Variants in DLGAP2 observed in about 807,000 individuals in gnomAD.
DLGAP2 encodes the protein disks large-associated protein 2.
A neutral mutation model predicts 100.3 loss-of-function variants in DLGAP2; 26 were observed. The observed-to-expected ratio is 0.26, with a 90% confidence interval of 0.19 to 0.36. The LOEUF (loss-of-function observed/expected upper bound fraction) is 0.36, where lower values mean the gene tolerates loss of function less well. DLGAP2 is among the 10% of genes least tolerant of loss of function. The pLI is 1.00. For missense variants in DLGAP2, 1,858 were observed against 1,453.2 expected (o/e 1.28, Z -4.53); for synonymous variants, 886 against 630.1 (o/e 1.41, Z -6.08).
intron 6 of DLGAP2, among the ~76,000 whole-genome samples, chr8:1,601,535 C>T (rs573589262): frequency 3.9e-5 from 6 of 152,230 alleles, no homozygotes; most frequent in African/African-American, 1.4e-4. Context: ...TAAGCCCTGA[C>T]TGGGGCTGCT....
intron 1 of DLGAP2, among the ~76,000 whole-genome samples, chr8:888,051 TTTCTTGGAGGCTTTG>T (rs1324550403): frequency 1.3e-5 from 2 of 152,340 alleles, no homozygotes; most frequent in African/African-American, 4.8e-5. Context: ...AAGTCCCACA[TTTCTTGGAGGCTTTG>T]TTCATTCCTT....
chr8:1,345,003 T>G (rs1801521939), intron 3 of DLGAP2, among the ~76,000 whole-genome samples: 1 of 152,234 alleles, frequency 6.6e-6, no homozygotes, highest in Non-Finnish European at 1.5e-5. Flanking sequence ...ATAAAAGTCC[T>G]TCCAAATTTG....
At chr8:1,104,043 T>G (rs371020060) in intron 2 of DLGAP2, among the ~76,000 whole-genome samples, 2 of 152,164 alleles carry the variant, frequency 1.3e-5, no homozygotes, top group Admixed American at 1.3e-4. Flanking sequence ...GGACACAGGA[T>G]TGCTCGGCCG....
At chr8:1,382,118 A>G (rs1027799730) in intron 3 of DLGAP2, among the ~76,000 whole-genome samples, 1 of 152,212 alleles carries the variant, frequency 6.6e-6, no homozygotes, top group African/African-American at 2.4e-5. Context: ...GCCTCCTGTT[A>G]ACCAGAAGCC....
chr8:1,702,369 A>AC lies in DLGAP2; in HGVS notation c.*963_*964insC, dbSNP rs546685465. ...GACTTTTCAGGGTATCCTTAAAAAA[A>AC]AACACACACGAAAAACAAAAGTTTG... On this transcript the variant is annotated 3_prime_UTR_variant, in exon 15 of 15. Coordinates refer to ENST00000637795, the MANE Select transcript of DLGAP2 (RefSeq NM_001346810.2). 3.4e-4 allele frequency: 49 copies of AC among 145,062 alleles called. No homozygotes were observed. Among genetic ancestry groups the AC allele is most frequent in the African/African-American group, 1.1e-3 (44 of 39,776 alleles). 9.0% of individuals were successfully genotyped at this position (145,062 alleles called of 1,614,324 possible). A position where few individuals can be genotyped will look rare whatever the true frequency, so the allele number is the denominator to read the frequency against.
At chr8:1,694,964 A>C (rs7835707) in intron 13 of DLGAP2, among the ~76,000 whole-genome samples, 36,380 of 152,050 alleles carry the variant, frequency 0.24, 4,582 homozygotes, top group Admixed American at 0.28. Flanking sequence ...AACCCTGACC[A>C]TGCCAGGCTG....
intron 2 of DLGAP2, among the ~76,000 whole-genome samples, chr8:1,168,272 A>G (rs62487555): frequency 0.18 from 27,560 of 151,690 alleles, 2,681 homozygotes; most frequent in Middle Eastern, 0.34. Context: ...TTCTTAATCC[A>G]GTCTATCATT....
Position 1,565,020 on chromosome 8 carries a change from G to A in DLGAP2, c.1231-663G>A, listed in dbSNP as rs951872532. The stretch of plus-strand genomic sequence containing the variant: ...CATGCATGGGTGCTCAGCTCTGTAC[G>A]AGGCAGACGTATAACACGCACAGGT... On this transcript the variant is annotated intron_variant, in intron 5 of 14. Coordinates refer to ENST00000637795, the MANE Select transcript of DLGAP2 (RefSeq NM_001346810.2). 1.3e-4 allele frequency among the ~76,000 whole-genome samples: 20 copies of A among 151,752 alleles called. 1 individual carries two copies. Among genetic ancestry groups the A allele is most frequent in the African/African-American group, 3.9e-4 (16 of 41,250 alleles).
At chr8:1,135,987 A>G (rs1400475313) in intron 2 of DLGAP2, among the ~76,000 whole-genome samples, 1 of 152,260 alleles carries the variant, frequency 6.6e-6, no homozygotes, top group Non-Finnish European at 1.5e-5. Flanking sequence ...TCAATGAGCC[A>G]GATCCTCCAA....
At chr8:1,284,427 C>T (rs573182181) in intron 3 of DLGAP2, among the ~76,000 whole-genome samples, 69 of 152,162 alleles carry the variant, frequency 4.5e-4, no homozygotes, top group African/African-American at 1.6e-3. Flanking sequence ...TGAGAGTGTG[C>T]AGGTGTGTGG....
intron 1 of DLGAP2, among the ~76,000 whole-genome samples, chr8:738,270 C>A (rs1324038118): frequency 6.6e-6 from 1 of 151,176 alleles, no homozygotes. Flanking sequence ...CCCCCAAGCC[C>A]GGGTGGAAAC....
rs74304043 is a variant in DLGAP2, at chr8:1,662,752, G to C, written c.1811-5577G>C. On this transcript the variant is annotated intron_variant, in intron 8 of 14. Coordinates refer to ENST00000637795, the MANE Select transcript of DLGAP2 (RefSeq NM_001346810.2). Reference sequence around the variant, plus strand: ...CAAAGTATAACGTGCTCCACAGAGTGCCTGGCACATGTGTGAGTGTGGGGT... The same window carrying C: ...CAAAGTATAACGTGCTCCACAGAGTCCCTGGCACATGTGTGAGTGTGGGGT... Among the ~76,000 whole-genome samples, 776 of 152,374 alleles carry C rather than the reference G, an allele frequency of 5.1e-3. 4 individuals carry two copies. The highest frequency in any genetic ancestry group is 0.018 in the African/African-American group (751 of 41,590).
chr8:1,107,734 T>C (rs1804823777), intron 2 of DLGAP2, among the ~76,000 whole-genome samples: 1 of 152,330 alleles, frequency 6.6e-6, no homozygotes, highest in Middle Eastern at 3.4e-3. Context: ...TTGCCATTCG[T>C]CACATTTATT....
At chr8:1,211,954 A>G (rs10111597) in intron 2 of DLGAP2, among the ~76,000 whole-genome samples, 102,653 of 152,250 alleles carry the variant, frequency 0.67, 34,890 homozygotes, top group East Asian at 0.88. Context: ...CCAGGCCACC[A>G]TTGTCAGGAT....
At chr8:1,042,728 T>G (rs1802390008) in intron 2 of DLGAP2, among the ~76,000 whole-genome samples, 1 of 143,790 alleles carries the variant, frequency 7.0e-6, no homozygotes, top group Non-Finnish European at 1.5e-5. Context: ...GTGGTGGATG[T>G]GAGTGGTGGA....
chr8:1,516,625 G>A (rs1341753803), intron 4 of DLGAP2, among the ~76,000 whole-genome samples: 11 of 150,264 alleles, frequency 7.3e-5, no homozygotes, highest in African/African-American at 2.5e-4. Flanking sequence ...ATCAGGGAGG[G>A]AAGGAGTGAA....
At chr8:997,963 A>C (rs1015182126) in intron 2 of DLGAP2, among the ~76,000 whole-genome samples, 1 of 152,202 alleles carries the variant, frequency 6.6e-6, no homozygotes, top group Non-Finnish European at 1.5e-5. Context: ...ACACATGCAT[A>C]CACGCATGCA....
At chr8:767,057 G>A (rs1821233019) in intron 1 of DLGAP2, among the ~76,000 whole-genome samples, 1 of 152,170 alleles carries the variant, frequency 6.6e-6, no homozygotes, top group African/African-American at 2.4e-5. Context: ...CTCAAGCACT[G>A]TAACTTCTAG....
intron 3 of DLGAP2, among the ~76,000 whole-genome samples, chr8:1,470,654 C>G (rs1798753936): frequency 6.6e-6 from 1 of 152,108 alleles, no homozygotes; most frequent in African/African-American, 2.4e-5. Context: ...TGACTAATCT[C>G]TCGGCACAAT....
Sources: allele counts gnomAD v4.1 joint callset (sites outside exome capture counted in the v4.1 genomes callset), GRCh38; gene constraint gnomAD v4.1.1; transcripts MANE v1.5; gene names NCBI Gene and HGNC (gene_info 2026-07-23, HGNC 2026-07-21).